WDR49: variants seen among roughly 807,000 people sequenced by gnomAD.
The protein encoded by WDR49 is cilia- and flagella-associated protein 337.
A neutral mutation model predicts 119.5 loss-of-function variants in WDR49; 107 were observed. The ratio of observed to expected loss-of-function variants is 0.90; its 90% CI spans 0.77 to 1.05. WDR49 has a LOEUF of 1.05. Among genes scored for constraint, WDR49 ranks in the 50% least tolerant of loss-of-function variants. WDR49 has a pLI of 0.00. For synonymous variants in WDR49, 425 were observed against 418.8 expected (o/e 1.01, Z -0.18); for missense variants, 1,240 against 1,220.5 (o/e 1.02, Z -0.24).
rs115509397 is a variant in WDR49, at chr3:167,615,194, T to C, written c.958+5235A>G. ...TTTCAGAGGTACTTGAGGAGTATAG[T>C]GGTGATCACGGCTCACTGCAGCCTC... On this transcript the variant is annotated intron_variant, in intron 5 of 18. Coordinates refer to ENST00000682715, the MANE Select transcript of WDR49 (RefSeq NM_001366157.1). Among the ~76,000 whole-genome samples the C allele has an allele frequency of 3.2e-3, 485 of 152,316 alleles. 3 individuals are homozygous for C. The highest frequency in any genetic ancestry group is 0.011 in the African/African-American group (458 of 41,576).
At chr3:167,502,335 C>T (rs371278594) in intron 17 of WDR49, among the ~76,000 whole-genome samples, 16 of 152,258 alleles carry the variant, frequency 1.1e-4, no homozygotes, top group East Asian at 5.8e-4. Context: ...CATTTCTTTA[C>T]GGCAATGCAA....
chr3:167,624,091 AAAG>A (rs1717001655), intron 3 of WDR49, among the ~76,000 whole-genome samples: 1 of 152,002 alleles, frequency 6.6e-6, no homozygotes, highest in South Asian at 2.1e-4. Flanking sequence ...ACATTTTACA[AAAG>A]AAGATGTACA....
In WDR49 at chr3:167,621,456, C is replaced by A. The variant is rs201454636; in HGVS notation, c.783+11G>T. ...ATCCATAGTATTCAATCTTAATCTA[C>A]CCTCACTTACCTTTCCAGTTATATC... On this transcript the variant is annotated intron_variant, in intron 4 of 18. Transcript: ENST00000682715. The A allele has an allele frequency of 7.5e-4, 1,136 of 1,513,474 alleles. 11 individuals carry two copies. Among genetic ancestry groups the A allele is most frequent in the Admixed American group, 2.5e-4 (12 of 48,174 alleles). The allele number at this position is 1,513,474 out of a possible 1,614,324, so 93.8% of individuals were successfully genotyped here.
Position 167,633,944 on chromosome 3 carries a change from C to T in WDR49, c.166-6652G>A, listed in dbSNP as rs977477072. Among the ~76,000 whole-genome samples the T allele has an allele frequency of 2.0e-5, 3 of 152,046 alleles. No individual in the cohort carries two copies. In the South Asian group the frequency reaches 6.2e-4, roughly 32 times the overall value. ...ACAACAGTATGAATTCACAAGTATA[C>T]ACTTAATATAGATAGGGAAATACTG... On this transcript the variant is annotated intron_variant, in intron 2 of 18. Coordinates refer to ENST00000682715, the MANE Select transcript of WDR49 (RefSeq NM_001366157.1).
intron 16 of WDR49, among the ~76,000 whole-genome samples, chr3:167,513,904 G>A (rs2108222984): frequency 1.3e-5 from 2 of 152,282 alleles, no homozygotes; most frequent in South Asian, 4.1e-4. Flanking sequence ...TCAACAAGAA[G>A]AGCTAACTAT....
chr3:167,586,851 A>G (rs996192158), intron 7 of WDR49, among the ~76,000 whole-genome samples: 3 of 152,216 alleles, frequency 2.0e-5, no homozygotes, highest in Admixed American at 6.5e-5. Flanking sequence ...CTTAGCATTG[A>G]TGATAGCTGT....
At position 167,577,039 on chromosome 3, in the gene WDR49, T is replaced by C. The variant is rs2108284844; in HGVS notation, c.1276-888A>G. On this transcript the variant is annotated intron_variant, in intron 7 of 18. Coordinates refer to ENST00000682715, the MANE Select transcript of WDR49 (RefSeq NM_001366157.1). Reference sequence around the variant, plus strand: ...GGTCAAGTTCATATAACCACAGATATTAAATTCTTATTCAAACACCTTCAA... The same window carrying C: ...GGTCAAGTTCATATAACCACAGATACTAAATTCTTATTCAAACACCTTCAA... 1.3e-5 allele frequency among the ~76,000 whole-genome samples: 2 copies of C among 152,260 alleles called. 1 individual carries two copies. Among genetic ancestry groups the C allele is most frequent in the South Asian group, 4.1e-4 (2 of 4,824 alleles).
At chr3:167,580,835 T>C (rs1348335995) in intron 7 of WDR49, among the ~76,000 whole-genome samples, 2 of 152,184 alleles carry the variant, frequency 1.3e-5, no homozygotes. Context: ...GAAAGGAATA[T>C]GTTTAATTTC....
At chr3:167,566,528 C>A (rs1459644650) in intron 8 of WDR49, among the ~76,000 whole-genome samples, 2 of 151,982 alleles carry the variant, frequency 1.3e-5, no homozygotes, top group Non-Finnish European at 2.9e-5. Context: ...AATATATATT[C>A]TTAAATATTG....
intron 2 of WDR49, among the ~76,000 whole-genome samples, chr3:167,633,088 CGTGTGT>C (rs3061397): frequency 2.7e-4 from 39 of 147,032 alleles, no homozygotes; most frequent in East Asian, 2.4e-3. Context: ...TAGCCAAACT[CGTGTGT>C]GTGTGTGTGT....
intron 18 of WDR49, 61 bp downstream of exon 18, chr3:167,500,092 T>G: frequency 1.4e-6 from 2 of 1,470,298 alleles, no homozygotes; most frequent in Non-Finnish European, 1.8e-6. Flanking sequence ...TCTACTCTAT[T>G]TTTAAATGAC....
At chr3:167,594,193 A>C (rs1284654454) in intron 7 of WDR49, among the ~76,000 whole-genome samples, 1 of 152,184 alleles carries the variant, frequency 6.6e-6, no homozygotes, top group Non-Finnish European at 1.5e-5. Context: ...AACGGGCAAA[A>C]GTTGGAAAAG....
intron 5 of WDR49, among the ~76,000 whole-genome samples, chr3:167,615,352 T>A (rs1716543453): frequency 6.6e-6 from 1 of 151,130 alleles, no homozygotes; most frequent in African/African-American, 2.4e-5. Flanking sequence ...CTCAGGCTGG[T>A]CTCAAACTCC....
chr3:167,557,204 A>T (rs988562577), intron 9 of WDR49, among the ~76,000 whole-genome samples: 3 of 151,986 alleles, frequency 2.0e-5, no homozygotes, highest in African/African-American at 7.3e-5. Context: ...CTCAAAAAAT[A>T]ATTATTATTA....
intron 7 of WDR49, among the ~76,000 whole-genome samples, chr3:167,600,057 G>A (rs569110098): frequency 1.3e-5 from 2 of 152,180 alleles, no homozygotes; most frequent in African/African-American, 4.8e-5. Context: ...TGGAAGGGGG[G>A]CACCTCACAA....
intron 2 of WDR49, among the ~76,000 whole-genome samples, chr3:167,647,360 C>T (rs1399371980): frequency 6.6e-6 from 1 of 152,168 alleles, no homozygotes; most frequent in Non-Finnish European, 1.5e-5. Flanking sequence ...TAAAAGTACA[C>T]AGAGAGTTTG....
At chr3:167,487,502 C>T (rs1045349458) in intron 18 of WDR49, among the ~76,000 whole-genome samples, 8 of 151,804 alleles carry the variant, frequency 5.3e-5, no homozygotes, top group South Asian at 2.1e-4. Flanking sequence ...CCAAAAGCAA[C>T]GGTAACAAGA....
chr3:167,494,473 A>G (rs1300139577), intron 18 of WDR49, among the ~76,000 whole-genome samples: 3 of 126,302 alleles, frequency 2.4e-5, no homozygotes, highest in Non-Finnish European at 4.8e-5. Flanking sequence ...ACCAGATAGG[A>G]AAAAAAAAAA....
intron 18 of WDR49, among the ~76,000 whole-genome samples, chr3:167,489,685 T>C (rs1332752369): frequency 6.6e-6 from 1 of 152,112 alleles, no homozygotes; most frequent in Non-Finnish European, 1.5e-5. Flanking sequence ...TTCTGGTCTT[T>C]CCCTTGCCTG....
Sources: allele counts gnomAD v4.1 joint callset (sites outside exome capture counted in the v4.1 genomes callset), GRCh38; gene constraint gnomAD v4.1.1; transcripts MANE v1.5; gene names NCBI Gene and HGNC (gene_info 2026-07-23, HGNC 2026-07-21).